STARD13: variants seen among roughly 807,000 people sequenced by gnomAD.
STARD13 encodes the protein StAR related lipid transfer domain containing 13, also known as stAR-related lipid transfer protein 13.
STARD13 carries 62 observed loss-of-function variants against 106.4 expected under a neutral mutation model. The ratio of observed to expected loss-of-function variants is 0.58; its 90% CI spans 0.48 to 0.72. The LOEUF (loss-of-function observed/expected upper bound fraction) is 0.72. STARD13 is among the 30% of genes least tolerant of loss of function. The pLI, the probability that STARD13 is intolerant of heterozygous loss-of-function variation, is 0.00. For missense variants in STARD13, 1,387 were observed against 1,424.0 expected (o/e 0.97, Z 0.42); for synonymous variants, 565 against 553.0 (o/e 1.02, Z -0.31).
chr13:33,339,726 A>G (rs2077938270), intron 1 of STARD13, among the ~76,000 whole-genome samples: 1 of 152,176 alleles, frequency 6.6e-6, no homozygotes, highest in East Asian at 1.9e-4. Context: ...TTTTTGACTT[A>G]TGTTCATTGT....
chr13:33,436,270 A>T, the STARD13 span, among the ~76,000 whole-genome samples: 2 of 152,106 alleles, frequency 1.3e-5, no homozygotes, highest in African/African-American at 2.4e-5. Context: ...ACCAAAGAAA[A>T]TTTTTTTACA....
the STARD13 span, among the ~76,000 whole-genome samples, chr13:33,468,731 A>T: frequency 1.4e-3 from 210 of 152,338 alleles, no homozygotes; most frequent in Admixed American, 5.0e-3. Context: ...TCTATTCATT[A>T]TAAGTTACCC....
At chr13:33,159,114 T>C (rs1285886224) in intron 3 of STARD13, among the ~76,000 whole-genome samples, 1 of 152,214 alleles carries the variant, frequency 6.6e-6, no homozygotes, top group Non-Finnish European at 1.5e-5. Flanking sequence ...TCAGGAGCAC[T>C]GTGGTGTCTA....
intron 1 of STARD13, among the ~76,000 whole-genome samples, chr13:33,283,952 A>G (rs1002927172): frequency 1.2e-4 from 18 of 152,228 alleles, no homozygotes; most frequent in African/African-American, 4.1e-4. Context: ...TATTTCTCAT[A>G]TGATATGCAT....
chr13:33,370,442 G>T, the STARD13 span, among the ~76,000 whole-genome samples: 1 of 152,066 alleles, frequency 6.6e-6, no homozygotes. Context: ...AGAAATACAC[G>T]TACAACACTG....
At chr13:33,528,257 C>CATATATATATATATATATATATATAT in the STARD13 span, among the ~76,000 whole-genome samples, 4 of 92,928 alleles carry the variant, frequency 4.3e-5, no homozygotes, top group African/African-American at 2.6e-4. Flanking sequence ...TATATATATA[C>CATATATATATATATATATATATATAT]ATATATATAT....
chr13:33,612,654 A>AGGGT, the STARD13 span, among the ~76,000 whole-genome samples: 1 of 152,196 alleles, frequency 6.6e-6, no homozygotes. Flanking sequence ...CCTGGCCATC[A>AGGGT]GACAGCCCTG....
the STARD13 span, among the ~76,000 whole-genome samples, chr13:33,562,230 T>A: frequency 4.8e-5 from 7 of 147,072 alleles, no homozygotes; most frequent in African/African-American, 1.8e-4. Flanking sequence ...TTACTGCCTT[T>A]AAAAAAACTA....
chr13:33,390,597 C>T, the STARD13 span, among the ~76,000 whole-genome samples: 1 of 152,158 alleles, frequency 6.6e-6, no homozygotes, highest in Non-Finnish European at 1.5e-5. Context: ...TCTAACATCA[C>T]TATTGGAAAT....
chr13:33,464,587 T>C, the STARD13 span, among the ~76,000 whole-genome samples: 2 of 152,164 alleles, frequency 1.3e-5, no homozygotes, highest in Non-Finnish European at 2.9e-5. Flanking sequence ...TGGTGGCTCA[T>C]GCCTGTAATC....
At chr13:33,232,547 A>C (rs1888975738) in intron 1 of STARD13, among the ~76,000 whole-genome samples, 1 of 152,126 alleles carries the variant, frequency 6.6e-6, no homozygotes, top group South Asian at 2.1e-4. Flanking sequence ...GACAGGTGAA[A>C]ACACAATCAC....
intron 1 of STARD13, among the ~76,000 whole-genome samples, chr13:33,259,222 C>T (rs1890518609): frequency 6.6e-6 from 1 of 152,270 alleles, no homozygotes; most frequent in South Asian, 2.1e-4. Flanking sequence ...TGAATAAATG[C>T]AGGAATGGAT....
At chr13:33,463,744 T>C in the STARD13 span, among the ~76,000 whole-genome samples, 1 of 152,164 alleles carries the variant, frequency 6.6e-6, no homozygotes, top group African/African-American at 2.4e-5. Flanking sequence ...CTGGGTGCAG[T>C]GGCTCATGCC....
intron 1 of STARD13, chr13:33,335,112 C>A: frequency 6.6e-6 from 1 of 152,464 alleles, no homozygotes; most frequent in Non-Finnish European, 1.5e-5. Context: ...TGCCATGGAG[C>A]CCTGGGAAGC....
At chr13:33,538,981 G>C in the STARD13 span, among the ~76,000 whole-genome samples, 1 of 152,108 alleles carries the variant, frequency 6.6e-6, no homozygotes, top group African/African-American at 2.4e-5. Flanking sequence ...GTGTTTGCCA[G>C]GATGGTCTCA....
At chr13:33,453,934 G>C in the STARD13 span, among the ~76,000 whole-genome samples, 1 of 152,312 alleles carries the variant, frequency 6.6e-6, no homozygotes, top group South Asian at 2.1e-4. Context: ...GGCTTAAAAA[G>C]TAAAACTGAT....
At chr13:33,536,544 T>A in the STARD13 span, among the ~76,000 whole-genome samples, 1 of 152,144 alleles carries the variant, frequency 6.6e-6, no homozygotes, top group African/African-American at 2.4e-5. Flanking sequence ...CTTGGTAAGA[T>A]AAAAATTAGA....
the STARD13 span, among the ~76,000 whole-genome samples, chr13:33,651,330 T>G: frequency 3.3e-5 from 5 of 152,224 alleles, no homozygotes; most frequent in Non-Finnish European, 1.5e-5. Context: ...CTACAGGAGT[T>G]GTAAGACATC....
chr13:33,158,102 G>C (rs932064004), intron 3 of STARD13, among the ~76,000 whole-genome samples: 1 of 152,134 alleles, frequency 6.6e-6, no homozygotes, highest in African/African-American at 2.4e-5. Context: ...AAGCAACAGA[G>C]AGACATGGTT....
Sources: allele counts gnomAD v4.1 joint callset (sites outside exome capture counted in the v4.1 genomes callset), GRCh38; gene constraint gnomAD v4.1.1; transcripts MANE v1.5; gene names NCBI Gene and HGNC (gene_info 2026-07-23, HGNC 2026-07-21).